Variants in FAN1 observed in about 807,000 individuals in gnomAD.
FAN1 encodes fanconi-associated nuclease 1.
A neutral mutation model predicts 104.9 loss-of-function variants in FAN1; 91 were observed. The observed-to-expected ratio is 0.87, with a 90% CI of 0.73 to 1.03. The LOEUF (loss-of-function observed/expected upper bound fraction) is 1.03. Ranked by LOEUF, FAN1 falls within the 50% of genes least tolerant of loss-of-function variation. The pLI is 0.00. For missense variants in FAN1, 1,263 were observed against 1,239.9 expected (o/e 1.02, Z -0.28); for synonymous variants, 478 against 457.6 (o/e 1.04, Z -0.57).
In FAN1 at chr15:30,927,245, G is replaced by A. The variant is rs193110189; in HGVS notation, c.2488+1306G>A. On this transcript the variant is annotated intron_variant, in intron 10 of 14. Coordinates refer to ENST00000362065, the MANE Select transcript of FAN1 (RefSeq NM_014967.5). ...AACAAAGGAGTTCAGAAATGATCTGGCCTTTATATTCCTGCCTGATCGTCA... is the reference window on the plus strand; with the variant it reads ...AACAAAGGAGTTCAGAAATGATCTGACCTTTATATTCCTGCCTGATCGTCA... 2.9e-5 allele frequency: 29 copies of A among 985,530 alleles called. No homozygotes were observed. In the Admixed American group the frequency reaches 4.9e-4, roughly 17 times the overall value. The allele number at this position is 985,530 out of a possible 1,614,324, so 61.0% of individuals were successfully genotyped here.
intron 13 of FAN1, among the ~76,000 whole-genome samples, 174 bp downstream of exon 13, chr15:30,930,845 A>C (rs1245785497): frequency 1.3e-5 from 2 of 152,202 alleles, no homozygotes; most frequent in African/African-American, 4.8e-5. Context: ...TCATCAGAGC[A>C]GGCGGGTGAG....
Position 30,937,247 on chromosome 15 carries a change from C to G in FAN1, c.3045C>G (p.Ser1015Arg). 6.2e-7 allele frequency: 1 copy of G among 1,612,706 alleles called. No homozygotes were observed. The highest frequency in any genetic ancestry group is 8.5e-7 in the Non-Finnish European group (1 of 1,179,634). The change falls in exon 14 of 15, where the codon AGC becomes AGG. Residue 1015 changes from serine to arginine, a missense_variant. Physicochemically the swap from Ser to Arg is moderately radical, Grantham distance 110. Coordinates refer to ENST00000362065, the MANE Select transcript of FAN1 (RefSeq NM_014967.5). ...TTGCAGTTGGAGCTAAGAGCCAAAG[C>G]CTTAGCTAAAAGGTATGGAATTGGG... ...HVVAVGAKSQSLS is the reference protein window; with the variant it reads ...HVVAVGAKSQRLS
At chr15:30,940,312 T>G in intron 14 of FAN1, 2 of 985,370 alleles carry the variant, frequency 2.0e-6, no homozygotes, top group Non-Finnish European at 2.4e-6. Flanking sequence ...AGCAAACAAC[T>G]GTGTCTGCTC....
chr15:30,923,801 G>A (rs746254762), intron 8 of FAN1, among the ~76,000 whole-genome samples: 2 of 152,068 alleles, frequency 1.3e-5, no homozygotes, highest in African/African-American at 2.4e-5. Flanking sequence ...TCAATTTCTT[G>A]GTTTTTATTT....
At chr15:30,918,102 G>A in intron 5 of FAN1, 62 bp from the exon 6 acceptor site, 1 of 1,556,272 alleles carries the variant, frequency 6.4e-7, no homozygotes, top group Non-Finnish European at 8.9e-7. Flanking sequence ...TAGTGGCTAG[G>A]ATGTGGTCAT....
intron 13 of FAN1, among the ~76,000 whole-genome samples, chr15:30,933,051 G>A (rs559882841): frequency 6.6e-6 from 1 of 151,996 alleles, no homozygotes; most frequent in Non-Finnish European, 1.5e-5. Context: ...AATATCTGTA[G>A]AATCTTTATC....
Position 30,920,534 on chromosome 15 carries a change from C to T in FAN1, c.1944-11C>T, listed in dbSNP as rs2062303129. The T allele has an allele frequency of 1.3e-6, 2 of 1,572,302 alleles. No homozygotes were observed. The highest frequency in any genetic ancestry group is 1.4e-5 in the African/African-American group (1 of 74,040). On this transcript the variant is annotated splice_polypyrimidine_tract_variant and intron_variant, in intron 6 of 14. Coordinates refer to ENST00000362065, the MANE Select transcript of FAN1 (RefSeq NM_014967.5). ...AAATTATTAAACTACTGGTATATGTCTTCATTTTAGATGCCACGAAGATTT... is the reference window on the plus strand; with the variant it reads ...AAATTATTAAACTACTGGTATATGTTTTCATTTTAGATGCCACGAAGATTT...
In FAN1 at chr15:30,941,699, C is replaced by G; in HGVS notation, c.*137C>G. The G allele has an allele frequency of 1.9e-6, 3 of 1,613,828 alleles. No individual in the cohort carries two copies. The highest frequency in any genetic ancestry group is 2.5e-6 in the Non-Finnish European group (3 of 1,179,810). On this transcript the variant is annotated 3_prime_UTR_variant, in exon 15 of 15. Coordinates refer to ENST00000362065, the MANE Select transcript of FAN1 (RefSeq NM_014967.5). Reference sequence around the variant, plus strand: ...CTCCCCATAGCAGGCCTCCAGGGGGCCACTGCGCTGTTGCCGCAGCATCCT... The same window carrying G: ...CTCCCCATAGCAGGCCTCCAGGGGGGCACTGCGCTGTTGCCGCAGCATCCT...
chr15:30,905,173 A>G lies in FAN1; in HGVS notation c.510A>G (p.Ile170Met), dbSNP rs759340946. ...AATACGTAAAGGCTAAAAAATCAATAGATAAGGATGAAGAATTTGCCGGTT... is the reference window on the plus strand; with the variant it reads ...AATACGTAAAGGCTAAAAAATCAATGGATAAGGATGAAGAATTTGCCGGTT... ...SRKYVKAKKSIDKDEEFAGSS... is the reference protein window; with the variant it reads ...SRKYVKAKKSMDKDEEFAGSS... Residue 170 changes from isoleucine to methionine, a missense_variant, in exon 2 of 15, where the codon ATA (isoleucine) becomes ATG (methionine). By Grantham distance (10) the Ile-to-Met change is conservative. Transcript: ENST00000362065. 15 of 1,613,778 alleles carry G rather than the reference A, an allele frequency of 9.3e-6. No individual in the cohort carries two copies. Among genetic ancestry groups the G allele is most frequent in the Non-Finnish European group, 1.3e-5 (15 of 1,179,948 alleles).
rs1270571213 is a variant in FAN1, at chr15:30,930,565, G to A, written c.2810G>A (p.Gly937Asp). 1.9e-6 allele frequency: 3 copies of A among 1,603,350 alleles called. No homozygotes were observed. The highest frequency in any genetic ancestry group is 1.7e-6 in the Non-Finnish European group (2 of 1,177,060). Residue 937 changes from glycine (G) to aspartate (D), a missense_variant, in exon 13 of 15, where the codon GGC becomes GAC. Physicochemically the swap from Gly to Asp is moderately conservative, Grantham distance 94. This residue lies in a region of FAN1 where 581 missense variants were observed against 668.8 expected (regional missense o/e 0.87). Coordinates refer to ENST00000362065, the MANE Select transcript of FAN1 (RefSeq NM_014967.5). The stretch of plus-strand genomic sequence containing the variant: ...CAGGATCTTGTCTCCTGCCTGGGGG[G>A]CCCTGTGCTCAGTGGTGTGTGCAGG... ...QAQDLVSCLG[G>D]PVLSGVCRHL...
intron 6 of FAN1, among the ~76,000 whole-genome samples, chr15:30,918,635 G>T (rs944279306): frequency 6.6e-6 from 1 of 152,224 alleles, no homozygotes; most frequent in African/African-American, 2.4e-5. Flanking sequence ...CAGGACGGAT[G>T]TGGGAAGCAT....
rs781657764 is a variant in FAN1, at chr15:30,941,928, C to T, written c.*366C>T. On this transcript the variant is annotated 3_prime_UTR_variant, in exon 15 of 15. Coordinates refer to ENST00000362065, the MANE Select transcript of FAN1 (RefSeq NM_014967.5). The stretch of plus-strand genomic sequence containing the variant: ...CATTCTCTAAAATACTGCTCCGTAT[C>T]ACTGTTCTGGCTGTCGGTTTGCTGA... 2.3e-5 allele frequency: 37 copies of T among 1,613,892 alleles called. No individual in the cohort carries two copies. The highest frequency in any genetic ancestry group is 3.0e-5 in the Non-Finnish European group (35 of 1,179,912).
chr15:30,934,661 G>A (rs1314314952), intron 13 of FAN1, among the ~76,000 whole-genome samples: 3 of 152,214 alleles, frequency 2.0e-5, no homozygotes, highest in African/African-American at 7.2e-5. Context: ...TTGCAGGCAT[G>A]AGCCACAGTG....
Position 30,925,829 on chromosome 15 carries a change from G to A in FAN1, c.2378G>A (p.Cys793Tyr), listed in dbSNP as rs376405753. The A allele has an allele frequency of 6.2e-7, 1 of 1,614,094 alleles. No individual in the cohort carries two copies. Residue 793 changes from cysteine to tyrosine, a missense_variant, in exon 10 of 15, where the codon TGC (cysteine) becomes TAC (tyrosine). Around this residue, in one of 2 missense-constraint regions of FAN1, gnomAD observed 581 missense variants for 668.8 expected, o/e 0.87. Transcript: ENST00000362065. The part of the protein sequence containing the change: ...TGRLCPQRGM[C>Y]KSVFVMEAGE... ...AGGCTGTGCCCACAGCGTGGGATGT[G>A]CAAGTCTGTGTTTGTGATGGAGGCC...
chr15:30,905,606 C>T lies in FAN1; in HGVS notation c.943C>T (p.Gln315Ter). 3.7e-6 allele frequency: 6 copies of T among 1,614,054 alleles called. No homozygotes were observed. The highest frequency in any genetic ancestry group is 5.1e-6 in the Non-Finnish European group (6 of 1,179,940). Residue 315 changes from glutamine to a stop codon, truncating the protein, a stop_gained, in exon 2 of 15, where the codon CAG (glutamine) becomes TAG (stop). Transcript: ENST00000362065. LOFTEE classifies it high-confidence loss of function. ...KMTVASEAKI[Q>*]LSDSEAKSHS... is the part of the protein sequence containing the mutation. ...GACTGTTGCTTCAGAAGCTAAAATACAGCTGTCAGATTCAGAGGCAAAATC... is the reference window on the plus strand; with the variant it reads ...GACTGTTGCTTCAGAAGCTAAAATATAGCTGTCAGATTCAGAGGCAAAATC...
chr15:30,941,062 G>A, intron 14 of FAN1: 1 of 1,197,722 alleles, frequency 8.3e-7, no homozygotes, highest in Non-Finnish European at 1.1e-6. Flanking sequence ...CCTAAAACCT[G>A]CTGGAGGTTT....
intron 6 of FAN1, 23 bp from the exon 7 acceptor site, chr15:30,920,522 A>G: frequency 7.0e-7 from 1 of 1,420,018 alleles, no homozygotes; most frequent in Non-Finnish European, 9.9e-7. Context: ...TTATTAAACT[A>G]CTGGTATATG....
At chr15:30,905,933 T>C in intron 2 of FAN1, 36 bp downstream of exon 2, 1 of 1,573,664 alleles carries the variant, frequency 6.4e-7, no homozygotes, top group Non-Finnish European at 8.6e-7. Flanking sequence ...AAGTTTTCAT[T>C]CCCCTTTTGC....
intron 14 of FAN1, chr15:30,940,353 G>A: frequency 1.0e-6 from 1 of 985,426 alleles, no homozygotes; most frequent in Non-Finnish European, 1.2e-6. Context: ...CCAAAGTTGG[G>A]GGCTGGGGGA....
Sources: allele counts gnomAD v4.1 joint callset (sites outside exome capture counted in the v4.1 genomes callset), GRCh38; gene constraint gnomAD v4.1.1; regional missense constraint gnomAD v4.1.1; transcripts MANE v1.5; gene names NCBI Gene and HGNC (gene_info 2026-07-23, HGNC 2026-07-21).